Variants in ZNF407 observed in about 807,000 individuals in gnomAD.
ZNF407 encodes zinc finger protein 407.
ZNF407 carries 17 observed loss-of-function variants against 131.2 expected under a neutral mutation model. The ratio of observed to expected loss-of-function variants is 0.13; its 90% CI spans 0.09 to 0.19. The LOEUF (loss-of-function observed/expected upper bound fraction) is 0.19. ZNF407 is among the 10% of genes least tolerant of loss of function. The pLI, the probability that ZNF407 is intolerant of heterozygous loss-of-function variation, is 1.00. For missense variants in ZNF407, 2,681 were observed against 2,830.6 expected, an observed-to-expected ratio of 0.95 and a Z score of 1.20; for synonymous variants, 1,156 against 1,062.0, an observed-to-expected ratio of 1.09 and a Z score of -1.72.
intron 8 of ZNF407, among the ~76,000 whole-genome samples, chr18:74,923,877 T>C (rs1386006367): frequency 1.3e-5 from 2 of 152,170 alleles, no homozygotes; most frequent in Non-Finnish European, 2.9e-5. Flanking sequence ...TTACATTAAA[T>C]ATTTAGTCTT....
intron 3 of ZNF407, among the ~76,000 whole-genome samples, chr18:74,660,361 T>G (rs73971130): frequency 0.027 from 4,092 of 152,218 alleles, 167 homozygotes; most frequent in African/African-American, 0.087. Flanking sequence ...TGAAGTCATC[T>G]GAATAATTAA....
At chr18:74,746,391 G>C (rs2144932693) in intron 3 of ZNF407, among the ~76,000 whole-genome samples, 1 of 152,092 alleles carries the variant, frequency 6.6e-6, no homozygotes, top group East Asian at 1.9e-4. Flanking sequence ...TTAATAAACT[G>C]TATCTTACTG....
intron 8 of ZNF407, among the ~76,000 whole-genome samples, chr18:75,044,654 G>C (rs1170553931): frequency 6.6e-6 from 1 of 152,100 alleles, no homozygotes; most frequent in Non-Finnish European, 1.5e-5. Flanking sequence ...GGATTGTTGT[G>C]ATCATGAGGT....
At chr18:74,949,955 C>T (rs888751778) in intron 8 of ZNF407, among the ~76,000 whole-genome samples, 1 of 152,146 alleles carries the variant, frequency 6.6e-6, no homozygotes, top group Non-Finnish European at 1.5e-5. Context: ...TTTTTAACCC[C>T]CCACTGGCTA....
intron 3 of ZNF407, among the ~76,000 whole-genome samples, chr18:74,776,724 G>C (rs1039685642): frequency 6.6e-6 from 1 of 152,138 alleles, no homozygotes; most frequent in African/African-American, 2.4e-5. Context: ...CCTCAAAAAC[G>C]TAACTACTAA....
chr18:74,707,365 T>A (rs1170437148), intron 3 of ZNF407, among the ~76,000 whole-genome samples: 1 of 152,224 alleles, frequency 6.6e-6, no homozygotes, highest in Non-Finnish European at 1.5e-5. Flanking sequence ...AAGTACAGGC[T>A]GAGCATCCCT....
In ZNF407 at chr18:74,875,992, T is replaced by G. The variant is rs998975738; in HGVS notation, c.4878-1205T>G. ...TTTGTGATATTCCGAGTGATGAATTTGTTAAGGTAATTCACATTTGCCTCA... is the reference window on the plus strand; with the variant it reads ...TTTGTGATATTCCGAGTGATGAATTGGTTAAGGTAATTCACATTTGCCTCA... On this transcript the variant is annotated intron_variant, in intron 4 of 8. Coordinates refer to ENST00000299687, the MANE Select transcript of ZNF407 (RefSeq NM_017757.3). Among the ~76,000 whole-genome samples the G allele has an allele frequency of 2.0e-5, 3 of 152,210 alleles. No homozygotes were observed. The East Asian group carries it at 5.8e-4, about 29-fold the overall frequency.
At chr18:74,926,669 G>A (rs1220219495) in intron 8 of ZNF407, among the ~76,000 whole-genome samples, 2 of 152,154 alleles carry the variant, frequency 1.3e-5, no homozygotes, top group African/African-American at 4.8e-5. Flanking sequence ...TGGGCATGGT[G>A]GTGGGTGCCT....
intron 4 of ZNF407, among the ~76,000 whole-genome samples, chr18:74,873,819 G>A (rs1350745819): frequency 6.6e-6 from 1 of 152,120 alleles, no homozygotes; most frequent in Non-Finnish European, 1.5e-5. Context: ...TCCAAGTTTA[G>A]CATAACAGAC....
intron 8 of ZNF407, among the ~76,000 whole-genome samples, chr18:74,987,098 G>A (rs533173320): frequency 6.6e-6 from 1 of 152,094 alleles, no homozygotes; most frequent in South Asian, 2.1e-4. Flanking sequence ...AAGTGTTTCA[G>A]GAACAGACAA....
At chr18:74,689,454 G>A (rs1478678325) in intron 3 of ZNF407, among the ~76,000 whole-genome samples, 1 of 152,178 alleles carries the variant, frequency 6.6e-6, no homozygotes, top group Admixed American at 6.5e-5. Flanking sequence ...CATTGTGGTT[G>A]CAGTCAATGA....
At position 74,972,071 on chromosome 18, in the gene ZNF407, G is replaced by T. The variant is rs145050302; in HGVS notation, c.5428+51379G>T. Among the ~76,000 whole-genome samples the T allele has an allele frequency of 4.3e-4, 65 of 152,228 alleles. 2 individuals carry two copies. In the East Asian group the frequency reaches 0.011, roughly 25 times the overall value. On this transcript the variant is annotated intron_variant, in intron 8 of 8. Coordinates refer to ENST00000299687, the MANE Select transcript of ZNF407 (RefSeq NM_017757.3). Reference sequence around the variant, plus strand: ...CATGAGAATAGCACGGGAAAAACTGGCCCCCATGATTCAATTACCTCCCTC... The same window carrying T: ...CATGAGAATAGCACGGGAAAAACTGTCCCCCATGATTCAATTACCTCCCTC...
At chr18:74,739,690 C>G (rs1380402625) in intron 3 of ZNF407, among the ~76,000 whole-genome samples, 1 of 151,580 alleles carries the variant, frequency 6.6e-6, no homozygotes, top group Non-Finnish European at 1.5e-5. Flanking sequence ...TTATATGAAT[C>G]GTAATTATAA....
intron 1 of ZNF407, among the ~76,000 whole-genome samples, chr18:74,627,841 ACCCCGCCCCG>A (rs1158859005): frequency 1.4e-4 from 7 of 50,374 alleles, no homozygotes; most frequent in East Asian, 1.5e-3. Context: ...GCCCCGCCCC[ACCCCGCCCCG>A]CCCCGCCCCG....
chr18:74,750,915 C>A (rs1188054962), intron 3 of ZNF407, among the ~76,000 whole-genome samples: 3 of 152,072 alleles, frequency 2.0e-5, no homozygotes, highest in Non-Finnish European at 4.4e-5. Flanking sequence ...GTTTTGATTT[C>A]AATTTTCCTG....
chr18:74,706,885 CT>C (rs1465289381), intron 3 of ZNF407, among the ~76,000 whole-genome samples: 4 of 150,906 alleles, frequency 2.7e-5, no homozygotes, highest in African/African-American at 9.8e-5. Context: ...TTCTTATGCA[CT>C]TTATGGCTTT....
chr18:74,974,121 G>A (rs1245914485), intron 8 of ZNF407, among the ~76,000 whole-genome samples: 7 of 152,152 alleles, frequency 4.6e-5, no homozygotes, highest in Non-Finnish European at 1.0e-4. Context: ...AAAGGAATTT[G>A]TAAGCTCTAC....
At chr18:74,984,659 G>A (rs1972632126) in intron 8 of ZNF407, among the ~76,000 whole-genome samples, 1 of 152,146 alleles carries the variant, frequency 6.6e-6, no homozygotes, top group African/African-American at 2.4e-5. Context: ...ACTAAATGAT[G>A]GTTAAGAAAA....
At chr18:74,911,830 CT>C (rs1971676786) in intron 7 of ZNF407, among the ~76,000 whole-genome samples, 1 of 152,144 alleles carries the variant, frequency 6.6e-6, no homozygotes, top group African/African-American at 2.4e-5. Context: ...GGAATTCTTT[CT>C]TTTTGGAGCA....
Sources: gnomAD v4.1 joint callset for allele counts (sites outside exome capture counted in the v4.1 genomes callset) on GRCh38, gnomAD v4.1.1 for gene constraint, MANE v1.5 for transcripts, NCBI Gene and HGNC (gene_info 2026-07-23, HGNC 2026-07-21) for gene names.